Variants in ERBB4 observed in about 807,000 individuals in gnomAD.
ERBB4 encodes erb-b2 receptor tyrosine kinase 4.
Under a neutral mutation model 158.0 loss-of-function variants are expected in ERBB4, and 42 were observed. The ratio of observed to expected loss-of-function variants is 0.27; its 90% confidence interval spans 0.21 to 0.34. The LOEUF (loss-of-function observed/expected upper bound fraction) is 0.34. ERBB4 is among the 10% of genes least tolerant of loss of function. ERBB4 has a pLI of 1.00. For missense variants in ERBB4, 1,333 were observed against 1,624.1 expected, an observed-to-expected ratio of 0.82 and a Z score of 3.08; for synonymous variants, 583 against 558.7, an observed-to-expected ratio of 1.04 and a Z score of -0.61.
At chr2:211,971,281 G>A in intron 2 of ERBB4, among the ~76,000 whole-genome samples, 1 of 152,032 alleles carries the variant, frequency 6.6e-6, no homozygotes, top group East Asian at 1.9e-4. Context: ...TAGTTGATGT[G>A]GCCTTTCTCT....
At chr2:211,897,366 T>A (rs932577209) in intron 3 of ERBB4, among the ~76,000 whole-genome samples, 1 of 151,536 alleles carries the variant, frequency 6.6e-6, no homozygotes, top group African/African-American at 2.4e-5. Context: ...AATTAAGCAA[T>A]AGTGTTTTAC....
At chr2:212,406,432 T>C (rs2091346465) in intron 1 of ERBB4, among the ~76,000 whole-genome samples, 1 of 152,184 alleles carries the variant, frequency 6.6e-6, no homozygotes, top group Admixed American at 6.6e-5. Context: ...GGCCAATTTC[T>C]TGGTATAAAA....
chr2:212,461,483 G>T (rs59020111), intron 1 of ERBB4, among the ~76,000 whole-genome samples: 4,379 of 152,180 alleles, frequency 0.029, 209 homozygotes, highest in African/African-American at 0.099. Flanking sequence ...TCTCCATTTG[G>T]AATGACTGTA....
chr2:212,070,163 C>T (rs1308824376), intron 2 of ERBB4, among the ~76,000 whole-genome samples: 1 of 151,808 alleles, frequency 6.6e-6, no homozygotes. Flanking sequence ...TACAAGACTT[C>T]TGCATTAAAA....
chr2:212,517,552 A>T (rs2106302381), intron 1 of ERBB4, among the ~76,000 whole-genome samples: 1 of 152,208 alleles, frequency 6.6e-6, no homozygotes, highest in African/African-American at 2.4e-5. Context: ...TAGTAAAAAT[A>T]GTCAGTTGAA....
chr2:212,527,184 T>C (rs1362445450), intron 1 of ERBB4, among the ~76,000 whole-genome samples: 2 of 152,056 alleles, frequency 1.3e-5, no homozygotes, highest in African/African-American at 4.8e-5. Context: ...CTTAAAAACA[T>C]AATGTCAAGA....
At chr2:212,329,068 A>C (rs575310218) in intron 1 of ERBB4, among the ~76,000 whole-genome samples, 1 of 152,178 alleles carries the variant, frequency 6.6e-6, no homozygotes, top group East Asian at 1.9e-4. Context: ...CATTGTACTA[A>C]GAACTTGTTT....
intron 12 of ERBB4, among the ~76,000 whole-genome samples, chr2:211,690,366 CTGACTGCTT>C (rs1213424085): frequency 6.6e-6 from 1 of 152,114 alleles, no homozygotes; most frequent in African/African-American, 2.4e-5. Context: ...AGGGTAAAGG[CTGACTGCTT>C]TGATCTTTCG....
At chr2:212,264,701 ATATTT>A (rs755440631) in intron 1 of ERBB4, among the ~76,000 whole-genome samples, 24 of 152,140 alleles carry the variant, frequency 1.6e-4, no homozygotes, top group East Asian at 1.9e-4. Flanking sequence ...AGTTTCTCTC[ATATTT>A]TATTTTATGT....
intron 3 of ERBB4, among the ~76,000 whole-genome samples, chr2:211,813,541 C>A (rs1448336174): frequency 6.6e-6 from 1 of 152,158 alleles, no homozygotes; most frequent in African/African-American, 2.4e-5. Context: ...TGCTTCCCTA[C>A]ATTTTCTATC....
intron 5 of ERBB4, among the ~76,000 whole-genome samples, chr2:211,741,456 C>CACACAA (rs2074794613): frequency 6.7e-6 from 1 of 149,302 alleles, no homozygotes; most frequent in Non-Finnish European, 1.5e-5. Context: ...TAGTTATACA[C>CACACAA]ACACACACAC....
At chr2:211,562,824 T>C (rs1027108474) in intron 19 of ERBB4, among the ~76,000 whole-genome samples, 1 of 142,622 alleles carries the variant, frequency 7.0e-6, no homozygotes. Context: ...CAGGCTGGAG[T>C]GCAGTGGCGG....
At chr2:212,086,559 T>C (rs1183513997) in intron 2 of ERBB4, among the ~76,000 whole-genome samples, 2 of 151,998 alleles carry the variant, frequency 1.3e-5, no homozygotes, top group Admixed American at 6.6e-5. Context: ...TTTATGAATG[T>C]GGTAATCAAG....
rs1374657747 is a variant in ERBB4 at position 211,377,469 on chromosome 2, G to C, written c.*6146C>G. The C allele has an allele frequency of 4.3e-6, 1 of 232,942 alleles. No individual in the cohort carries two copies. Among genetic ancestry groups the C allele is most frequent in the Non-Finnish European group, 8.5e-6 (1 of 117,706 alleles). 14.4% of individuals were successfully genotyped at this position (232,942 alleles called of 1,614,324 possible). ...GCATGAAAAGAAAAACGTCCATAAAGAGCAAAAGTAGGTAAAGGATGGCAT... is the reference window on the plus strand; with the variant it reads ...GCATGAAAAGAAAAACGTCCATAAACAGCAAAAGTAGGTAAAGGATGGCAT... On this transcript the variant is annotated 3_prime_UTR_variant, in exon 28 of 28. Coordinates refer to ENST00000342788, the MANE Select transcript of ERBB4 (RefSeq NM_005235.3).
At chr2:211,670,196 T>C (rs72945031) in intron 14 of ERBB4, among the ~76,000 whole-genome samples, 19,179 of 152,108 alleles carry the variant, frequency 0.13, 1,522 homozygotes, top group Non-Finnish European at 0.17. Context: ...ACTCTAGTTG[T>C]GGTCATTAAC....
intron 1 of ERBB4, among the ~76,000 whole-genome samples, chr2:212,508,821 A>G (rs1332739675): frequency 1.3e-5 from 2 of 152,096 alleles, no homozygotes; most frequent in South Asian, 4.1e-4. Flanking sequence ...TAAGCTTTAA[A>G]AATGAGTATA....
At chr2:211,980,890 C>G (rs556710782) in intron 2 of ERBB4, among the ~76,000 whole-genome samples, 1 of 152,126 alleles carries the variant, frequency 6.6e-6, no homozygotes, top group African/African-American at 2.4e-5. Flanking sequence ...ATTTTCGCCC[C>G]TTTCTTGTCA....
intron 4 of ERBB4, 52 bp downstream of exon 4, chr2:211,787,973 C>A (rs79031210): frequency 9.6e-6 from 15 of 1,570,374 alleles, no homozygotes; most frequent in Non-Finnish European, 1.1e-5. Flanking sequence ...ACTCATTCAT[C>A]GCCACATAGG....
At chr2:211,798,608 T>C (rs1245050459) in intron 3 of ERBB4, among the ~76,000 whole-genome samples, 1 of 152,106 alleles carries the variant, frequency 6.6e-6, no homozygotes, top group African/African-American at 2.4e-5. Context: ...AAGTTAATAA[T>C]ATAGTTCAGG....
Sources: allele counts gnomAD v4.1 joint callset (sites outside exome capture counted in the v4.1 genomes callset), GRCh38; gene constraint gnomAD v4.1.1; transcripts MANE v1.5; gene names NCBI Gene and HGNC (gene_info 2026-07-23, HGNC 2026-07-21).